The following MDGA2 variants were observed in gnomAD, a reference collection of about 807,000 sequenced individuals.
The protein encoded by MDGA2 is MAM domain-containing glycosylphosphatidylinositol anchor protein 2.
A neutral mutation model predicts 117.8 loss-of-function variants in MDGA2; 40 were observed. The observed-to-expected ratio is 0.34, with a 90% confidence interval of 0.26 to 0.44. The LOEUF is 0.44. Ranked by LOEUF, MDGA2 falls within the 20% of genes least tolerant of loss-of-function variation. MDGA2 has a pLI of 1.00. For synonymous variants in MDGA2, 452 were observed against 439.0 expected, an observed-to-expected ratio of 1.03 and a Z score of -0.37; for missense variants, 1,123 against 1,250.6, an observed-to-expected ratio of 0.90 and a Z score of 1.54.
chr14:47,622,158 A>T (rs984023259), intron 1 of MDGA2, among the ~76,000 whole-genome samples: 3 of 152,248 alleles, frequency 2.0e-5, no homozygotes, highest in Non-Finnish European at 4.4e-5. Flanking sequence ...TACTTAATAA[A>T]TACATATTGC....
chr14:46,958,871 AATAGAT>A (rs1885669415), intron 8 of MDGA2, among the ~76,000 whole-genome samples: 1 of 152,190 alleles, frequency 6.6e-6, no homozygotes, highest in South Asian at 2.1e-4. Context: ...CACAATATAT[AATAGAT>A]TTCTGTTCTG....
chr14:47,172,101 C>T (rs559661275), intron 3 of MDGA2, among the ~76,000 whole-genome samples: 2 of 152,230 alleles, frequency 1.3e-5, no homozygotes, highest in East Asian at 3.9e-4. Flanking sequence ...GGGAGGGGCA[C>T]CCACCATAGC....
intron 10 of MDGA2, among the ~76,000 whole-genome samples, chr14:46,907,241 G>A (rs905940967): frequency 3.9e-5 from 6 of 152,142 alleles, no homozygotes; most frequent in Admixed American, 6.5e-5. Context: ...GCCTCCCAAA[G>A]TGCTGGGGTT....
intron 1 of MDGA2, among the ~76,000 whole-genome samples, chr14:47,390,784 C>G (rs900541726): frequency 2.0e-5 from 3 of 152,046 alleles, no homozygotes; most frequent in Non-Finnish European, 4.4e-5. Flanking sequence ...GATTTTGTTT[C>G]TAATTTTATT....
At chr14:47,214,026 A>G (rs8009150) in intron 3 of MDGA2, among the ~76,000 whole-genome samples, 11,292 of 152,164 alleles carry the variant, frequency 0.074, 655 homozygotes, top group Admixed American at 0.16. Flanking sequence ...GGGGGTAAAG[A>G]GTCCCTCATA....
Position 47,096,933 on chromosome 14 carries a change from A to T in MDGA2, c.1116T>A (p.Asp372Glu). ...CAATGCAGCTGTAAGTACCAGCATC[A>T]TCTGAGGTGATGGCAGGTATGGTCA... ...GTLTIPAITS[D>E]DAGTYSCIAN... is the part of the protein sequence containing the mutation. Residue 372 changes from aspartate to glutamate, a missense_variant, in exon 6 of 17, where the codon GAT becomes GAA. This residue lies in a region of MDGA2 where 890 missense variants were observed against 1,050.3 expected (regional missense o/e 0.85). Transcript: ENST00000399232. 1.2e-6 allele frequency: 2 copies of T among 1,613,388 alleles called. No individual in the cohort carries two copies. The highest frequency in any genetic ancestry group is 1.7e-6 in the Non-Finnish European group (2 of 1,179,480).
chr14:47,445,038 A>G (rs1430801749), intron 1 of MDGA2, among the ~76,000 whole-genome samples: 1 of 152,092 alleles, frequency 6.6e-6, no homozygotes, highest in Admixed American at 6.6e-5. Flanking sequence ...CTGAGGTGAG[A>G]CTCTGTAGGA....
intron 1 of MDGA2, among the ~76,000 whole-genome samples, chr14:47,452,336 AC>A (rs2138572707): frequency 6.6e-6 from 1 of 152,260 alleles, no homozygotes; most frequent in Admixed American, 6.5e-5. Context: ...TACAGAAGAA[AC>A]TTGAATGTGA....
chr14:47,501,634 A>C (rs1894402289), intron 1 of MDGA2, among the ~76,000 whole-genome samples: 1 of 152,180 alleles, frequency 6.6e-6, no homozygotes, highest in Non-Finnish European at 1.5e-5. Flanking sequence ...AGGTCATTAG[A>C]GTGGGCCTTT....
intron 7 of MDGA2, among the ~76,000 whole-genome samples, chr14:47,053,597 A>ATG (rs1487950481): frequency 0.013 from 1,016 of 76,660 alleles, 8 homozygotes; most frequent in Admixed American, 0.02. Flanking sequence ...CCTAGTGTGT[A>ATG]TGTGTATATA....
At chr14:46,939,861 A>G (rs1463034494) in intron 9 of MDGA2, among the ~76,000 whole-genome samples, 1 of 152,162 alleles carries the variant, frequency 6.6e-6, no homozygotes, top group Non-Finnish European at 1.5e-5. Flanking sequence ...TCCATTTTAC[A>G]CTAATTTCCA....
intron 1 of MDGA2, among the ~76,000 whole-genome samples, chr14:47,517,840 C>G (rs1405919009): frequency 6.6e-6 from 1 of 152,000 alleles, no homozygotes; most frequent in Non-Finnish European, 1.5e-5. Context: ...GTTTTTTCAA[C>G]TAGAAAGCTG....
chr14:47,627,811 C>T (rs1897176660), intron 1 of MDGA2, among the ~76,000 whole-genome samples: 2 of 152,214 alleles, frequency 1.3e-5, no homozygotes, highest in Non-Finnish European at 2.9e-5. Context: ...TGGGTCCACA[C>T]TGCCTTTATG....
At chr14:47,126,003 T>C (rs1881885024) in intron 5 of MDGA2, among the ~76,000 whole-genome samples, 1 of 152,018 alleles carries the variant, frequency 6.6e-6, no homozygotes, top group Admixed American at 6.6e-5. Context: ...GTAACACACA[T>C]AATATAAGAA....
intron 1 of MDGA2, among the ~76,000 whole-genome samples, chr14:47,362,089 T>C (rs1192186906): frequency 6.6e-6 from 1 of 152,026 alleles, no homozygotes; most frequent in Non-Finnish European, 1.5e-5. Flanking sequence ...GATTTAGGAG[T>C]CCTGAATCTT....
At chr14:47,274,996 C>T (rs889071819) in intron 2 of MDGA2, among the ~76,000 whole-genome samples, 2 of 151,578 alleles carry the variant, frequency 1.3e-5, no homozygotes, top group Non-Finnish European at 3.0e-5. Context: ...CAAATACCTT[C>T]TCCCATTCTG....
At chr14:47,117,685 C>T (rs1362351974) in intron 5 of MDGA2, among the ~76,000 whole-genome samples, 2 of 151,632 alleles carry the variant, frequency 1.3e-5, no homozygotes, top group Non-Finnish European at 2.9e-5. Flanking sequence ...ATATAAGGTA[C>T]CTAAAGTAGT....
At chr14:47,484,987 G>A (rs762934589) in intron 1 of MDGA2, among the ~76,000 whole-genome samples, 1 of 152,080 alleles carries the variant, frequency 6.6e-6, no homozygotes, top group Non-Finnish European at 1.5e-5. Context: ...CATGAAAACA[G>A]ACTAATACAG....
chr14:47,056,782 A>T (rs988948960), intron 7 of MDGA2, among the ~76,000 whole-genome samples: 1 of 152,168 alleles, frequency 6.6e-6, no homozygotes, highest in African/African-American at 2.4e-5. Flanking sequence ...CTGTATAACG[A>T]TTATATTTTT....
Sources: allele counts gnomAD v4.1 joint callset (sites outside exome capture counted in the v4.1 genomes callset), GRCh38; gene constraint gnomAD v4.1.1; regional missense constraint gnomAD v4.1.1; transcripts MANE v1.5; gene names NCBI Gene and HGNC (gene_info 2026-07-23, HGNC 2026-07-21).